The following CYP4F12 variants were observed in gnomAD, a reference collection of about 807,000 sequenced individuals.
CYP4F12 encodes cytochrome P450 family 4 subfamily F member 12.
A neutral mutation model predicts 56.5 loss-of-function variants in CYP4F12; 60 were observed. The ratio of observed to expected loss-of-function variants is 1.06; its 90% CI spans 0.86 to 1.32. The LOEUF (loss-of-function observed/expected upper bound fraction) is 1.32, where lower values mean the gene tolerates loss of function less well. Among genes scored for constraint, CYP4F12 ranks in the 40% most tolerant of loss-of-function variants. The pLI, the probability that CYP4F12 is intolerant of heterozygous loss-of-function variation, is 0.00. For synonymous variants in CYP4F12, 263 were observed against 264.9 expected (o/e 0.99, Z 0.07); for missense variants, 711 against 683.5 (o/e 1.04, Z -0.45).
At chr19:15,673,775 TC>T in intron 2 of CYP4F12, 48 bp downstream of exon 2, 1 of 1,601,090 alleles carries the variant, frequency 6.2e-7, no homozygotes, top group Non-Finnish European at 8.5e-7. Flanking sequence ...TGGATGGACT[TC>T]CAGAGGAGCA....
intron 9 of CYP4F12, among the ~76,000 whole-genome samples, chr19:15,695,118 A>T (rs1308451258): frequency 6.6e-6 from 1 of 152,118 alleles, no homozygotes; most frequent in African/African-American, 2.4e-5. Flanking sequence ...TCCAACAATG[A>T]TAGACTGGAT....
In CYP4F12 at chr19:15,680,389, TAGG is replaced by T. The variant is rs751525227; in HGVS notation, c.398_400del (p.Gly133del). ...TGCCCACTGTCCTTGGCTGCCCTAC[TAGG>T]AGAAGGGATACTGCTGAGTGGCGGT... On this transcript the variant is annotated splice_acceptor_variant and coding_sequence_variant, in exon 5 of 13. Transcript: ENST00000550308. LOFTEE classifies it high-confidence loss of function. 1.9e-5 allele frequency: 30 copies of T among 1,614,050 alleles called. No individual in the cohort carries two copies. In the African/African-American group the frequency reaches 2.9e-4, roughly 16 times the overall value.
At chr19:15,683,106 G>GAGAA (rs2007400984) in intron 6 of CYP4F12, among the ~76,000 whole-genome samples, 1 of 152,144 alleles carries the variant, frequency 6.6e-6, no homozygotes, top group Admixed American at 6.6e-5. Flanking sequence ...GAGAGAGAGA[G>GAGAA]AGAAAGAGAG....
chr19:15,691,793 C>T, intron 9 of CYP4F12, among the ~76,000 whole-genome samples: 1 of 150,762 alleles, frequency 6.6e-6, no homozygotes, highest in African/African-American at 2.4e-5. Context: ...TTCGTATTTT[C>T]TTTTGTACCA....
At chr19:15,688,407 G>A (rs549423897) in intron 9 of CYP4F12, among the ~76,000 whole-genome samples, 99 of 152,020 alleles carry the variant, frequency 6.5e-4, no homozygotes, top group African/African-American at 2.3e-3. Context: ...TAACCAAGGA[G>A]GTTAAAGCTC....
chr19:15,696,319 T>G, intron 11 of CYP4F12, 94 bp downstream of exon 11: 2 of 1,610,786 alleles, frequency 1.2e-6, no homozygotes, highest in South Asian at 2.2e-5. Context: ...GGGGCAGGGT[T>G]TTGATGAGGA....
At chr19:15,687,967 C>T (rs938991234) in intron 9 of CYP4F12, among the ~76,000 whole-genome samples, 2 of 152,114 alleles carry the variant, frequency 1.3e-5, no homozygotes, top group African/African-American at 4.8e-5. Context: ...GGGATGAACT[C>T]CCTTGACCAG....
intron 9 of CYP4F12, among the ~76,000 whole-genome samples, chr19:15,687,059 C>T (rs984260620): frequency 2.8e-4 from 42 of 152,234 alleles, no homozygotes; most frequent in African/African-American, 9.1e-4. Flanking sequence ...GGGCGGATCA[C>T]GAGGTCAGGA....
Position 15,683,683 on chromosome 19 carries a change from A to G in CYP4F12, c.838A>G (p.Thr280Ala). Residue 280 changes from threonine (T) to alanine (A), a missense_variant, in exon 7 of 13, where the codon ACT becomes GCT. Physicochemically the swap from Thr to Ala is moderately conservative, Grantham distance 58 (BLOSUM62 0). Transcript: ENST00000550308. ...CCGGGAGCGGCGTCGCACCCTCCCCACTCAGGGTATTGATGATTTTTTCAA... is the reference window on the plus strand; with the variant it reads ...CCGGGAGCGGCGTCGCACCCTCCCCGCTCAGGGTATTGATGATTTTTTCAA... ...VIRERRRTLPTQGIDDFFKDK... is the reference protein window; with the variant it reads ...VIRERRRTLPAQGIDDFFKDK... 6.2e-7 allele frequency: 1 copy of G among 1,612,478 alleles called. No homozygotes were observed. The highest frequency in any genetic ancestry group is 8.5e-7 in the Non-Finnish European group (1 of 1,179,346).
rs770512800 is a variant in CYP4F12 at position 15,673,687 on chromosome 19, A to T, written c.158A>T (p.Gln53Leu). 5.0e-6 allele frequency: 8 copies of T among 1,614,100 alleles called. No individual in the cohort carries two copies. Among genetic ancestry groups the T allele is most frequent in the Non-Finnish European group, 6.8e-6 (8 of 1,180,002 alleles). Residue 53 changes from glutamine to leucine, a missense_variant, in exon 2 of 13, where the codon CAG becomes CTG. Coordinates refer to ENST00000550308, the MANE Select transcript of CYP4F12 (RefSeq NM_023944.4). ...TGCCGCCGGCTCCAGTGTTTCCCAC[A>T]GCCCCCAAAACGGAACTGGTTTTGG... ...NNCRRLQCFP[Q>L]PPKRNWFWGH...
Position 15,684,610 on chromosome 19 carries a change from G to A in CYP4F12, c.919-206G>A, listed in dbSNP as rs616745. 4,781 of 497,256 alleles carry A rather than the reference G, an allele frequency of 9.6e-3. 41 individuals are homozygous for A. Among genetic ancestry groups the A allele is most frequent in the African/African-American group, 0.086 (4,363 of 50,520 alleles). 30.8% of individuals were successfully genotyped at this position (497,256 alleles called of 1,614,324 possible). ...CACCAGGGTCCAAAGAGGAGGCAAA[G>A]GATCTGGGGGAAGCCCTTGGAGTTG... is the stretch of plus-strand genomic sequence containing the variant. On this transcript the variant is annotated intron_variant, in intron 7 of 12. Coordinates refer to ENST00000550308, the MANE Select transcript of CYP4F12 (RefSeq NM_023944.4).
chr19:15,682,293 G>A (rs1221096991), intron 5 of CYP4F12, 96 bp from the exon 6 acceptor site: 29 of 1,525,422 alleles, frequency 1.9e-5, no homozygotes, highest in Admixed American at 1.8e-4. Context: ...AGGACCAGGA[G>A]GCTGGTTGTG....
chr19:15,687,866 AG>A (rs1352103821), intron 9 of CYP4F12, among the ~76,000 whole-genome samples: 1 of 152,214 alleles, frequency 6.6e-6, no homozygotes, highest in African/African-American at 2.4e-5. Context: ...TGTATCTCAC[AG>A]GGGACCTTGG....
chr19:15,687,048 C>T (rs534022319), intron 9 of CYP4F12, among the ~76,000 whole-genome samples: 3 of 152,244 alleles, frequency 2.0e-5, no homozygotes, highest in East Asian at 3.9e-4. Flanking sequence ...AAGGCCGAGG[C>T]GGGCGGATCA....
intron 6 of CYP4F12, 93 bp downstream of exon 6, chr19:15,682,603 T>C: frequency 6.4e-7 from 1 of 1,560,238 alleles, no homozygotes; most frequent in Non-Finnish European, 8.8e-7. Flanking sequence ...AGAAGTACCT[T>C]TCGGGAGGAT....
chr19:15,684,576 G>T, intron 7 of CYP4F12: 1 of 445,132 alleles, frequency 2.2e-6, no homozygotes, highest in Non-Finnish European at 3.9e-6. Context: ...GAGAACCATT[G>T]ATTCCTGTCA....
chr19:15,694,862 G>T (rs1293032232), intron 9 of CYP4F12, among the ~76,000 whole-genome samples: 2 of 152,190 alleles, frequency 1.3e-5, no homozygotes, highest in Non-Finnish European at 2.9e-5. Context: ...ACAGGTGCTG[G>T]ACAGGATGTG....
intron 3 of CYP4F12, 148 bp from the exon 4 acceptor site, chr19:15,680,096 C>A (rs1440740632): frequency 7.5e-6 from 8 of 1,063,134 alleles, no homozygotes; most frequent in Non-Finnish European, 1.1e-5. Context: ...GTCCTTCTTC[C>A]TCTATCCTCC....
intron 6 of CYP4F12, 68 bp downstream of exon 6, chr19:15,682,578 A>G: frequency 6.3e-7 from 1 of 1,598,064 alleles, no homozygotes; most frequent in Non-Finnish European, 8.5e-7. Context: ...GGAGGGAGGA[A>G]TGAGCAAAGT....
Sources: allele counts gnomAD v4.1 joint callset (sites outside exome capture counted in the v4.1 genomes callset), GRCh38; gene constraint gnomAD v4.1.1; transcripts MANE v1.5; gene names NCBI Gene and HGNC (gene_info 2026-07-23, HGNC 2026-07-21).